The following GTF3C5 variants were observed in gnomAD, a reference collection of about 807,000 sequenced individuals.
GTF3C5 encodes general transcription factor IIIC subunit 5.
GTF3C5 carries 47 observed loss-of-function variants against 61.0 expected under a neutral mutation model. That is an observed-to-expected ratio of 0.77 (90% confidence interval 0.61 to 0.98). GTF3C5 has a LOEUF of 0.98. Ranked by LOEUF, GTF3C5 falls within the 50% of genes least tolerant of loss-of-function variation. The pLI is 0.00. For missense variants in GTF3C5, 659 were observed against 703.3 expected (o/e 0.94, Z 0.71); for synonymous variants, 295 against 275.4 (o/e 1.07, Z -0.71).
At chr9:133,038,514 G>A (rs897977392) in intron 1 of GTF3C5, among the ~76,000 whole-genome samples, 4 of 149,564 alleles carry the variant, frequency 2.7e-5, no homozygotes, top group South Asian at 4.3e-4. Context: ...GCAGTGGCGC[G>A]ATCTCGGCTC....
intron 3 of GTF3C5, among the ~76,000 whole-genome samples, chr9:133,050,557 G>A (rs995479951): frequency 6.6e-6 from 1 of 152,198 alleles, no homozygotes; most frequent in Admixed American, 6.5e-5. Flanking sequence ...GCAGGCCCCA[G>A]GGTTTCTCTG....
chr9:133,058,181 G>T lies in GTF3C5; in HGVS notation c.*201G>T. On this transcript the variant is annotated 3_prime_UTR_variant, in exon 11 of 11. Transcript: ENST00000372097. The stretch of plus-strand genomic sequence containing the variant: ...CTTGGTGCTGCCTCTGGTCCTGAGG[G>T]GTTAGGGACATCCCCAAAGGGTATA... 7.2e-7 allele frequency: 1 copy of T among 1,397,362 alleles called. No homozygotes were observed. The highest frequency in any genetic ancestry group is 1.5e-5 in the African/African-American group (1 of 68,496). The allele number at this position is 1,397,362 out of a possible 1,614,324, so 86.6% of individuals were successfully genotyped here. A position where few individuals can be genotyped will look rare whatever the true frequency, so the allele number is the denominator to read the frequency against.
chr9:133,039,884 A>G (rs12344995), intron 1 of GTF3C5, among the ~76,000 whole-genome samples: 78 of 152,298 alleles, frequency 5.1e-4, no homozygotes, highest in African/African-American at 1.5e-3. Flanking sequence ...AGACATCTAC[A>G]TGGTACAAGG....
At chr9:133,043,531 T>C (rs1850098945) in intron 2 of GTF3C5, among the ~76,000 whole-genome samples, 197 bp from the exon 3 acceptor site, 1 of 152,196 alleles carries the variant, frequency 6.6e-6, no homozygotes, top group South Asian at 2.1e-4. Flanking sequence ...CAAAATAATT[T>C]TCATGTAAGT....
intron 8 of GTF3C5, chr9:133,055,363 C>CA: frequency 7.6e-7 from 1 of 1,323,002 alleles, no homozygotes; most frequent in Non-Finnish European, 9.9e-7. Flanking sequence ...GAGTGGGTGG[C>CA]AGAGATGAGT....
At chr9:133,035,000 G>A (rs955261022) in intron 1 of GTF3C5, among the ~76,000 whole-genome samples, 3 of 152,112 alleles carry the variant, frequency 2.0e-5, no homozygotes, top group Non-Finnish European at 4.4e-5. Context: ...AGACTAATTT[G>A]GTTAAGTGAC....
chr9:133,033,516 G>C (rs1849787528), intron 1 of GTF3C5, among the ~76,000 whole-genome samples: 2 of 152,166 alleles, frequency 1.3e-5, no homozygotes, highest in African/African-American at 4.8e-5. Context: ...AATTTTCCCT[G>C]TCACAAGAGA....
At chr9:133,037,177 G>T (rs113832711) in intron 1 of GTF3C5, among the ~76,000 whole-genome samples, 1 of 152,096 alleles carries the variant, frequency 6.6e-6, no homozygotes, top group Non-Finnish European at 1.5e-5. Flanking sequence ...AAAATGTCTC[G>T]GCTGTCCTCA....
chr9:133,031,200 C>G, intron 1 of GTF3C5, 36 bp downstream of exon 1: 1 of 1,512,640 alleles, frequency 6.6e-7, no homozygotes, highest in Non-Finnish European at 8.9e-7. Context: ...GGAATAAGAG[C>G]TCGGAGTCGC....
In GTF3C5 at chr9:133,031,052, TC is replaced by T; in HGVS notation, c.45del (p.Val16TrpfsTer3). 6.2e-7 allele frequency: 1 copy of T among 1,612,034 alleles called. No individual in the cohort carries two copies. Among genetic ancestry groups the T allele is most frequent in the Non-Finnish European group, 8.5e-7 (1 of 1,179,116 alleles). The part of the protein sequence containing the change: ...EAADLGLGAA[V>X]PVELRRERRM... ...GCCGATTTGGGGCTGGGGGCCGCCG[TC>T]CCCGTGGAGCTGAGGCGGGAGCGAC... On this transcript the variant is annotated frameshift_variant, in exon 1 of 11. Transcript: ENST00000372097. LOFTEE classifies it high-confidence loss of function.
intron 10 of GTF3C5, 130 bp from the exon 11 acceptor site, chr9:133,057,684 C>G: frequency 3.8e-6 from 3 of 791,030 alleles, no homozygotes; most frequent in Non-Finnish European, 5.8e-6. Context: ...CATACTTACC[C>G]ACCAGCTTCT....
chr9:133,033,394 C>T (rs1849783783), intron 1 of GTF3C5, among the ~76,000 whole-genome samples: 1 of 152,134 alleles, frequency 6.6e-6, no homozygotes, highest in African/African-American at 2.4e-5. Context: ...TTACGGTCCA[C>T]CACAATGCCA....
intron 1 of GTF3C5, among the ~76,000 whole-genome samples, chr9:133,031,868 T>TA (rs1849743185): frequency 6.6e-6 from 1 of 152,094 alleles, no homozygotes; most frequent in Non-Finnish European, 1.5e-5. Flanking sequence ...GAAGGATGGT[T>TA]ACAGAGCAGG....
chr9:133,032,799 G>A (rs1399231670), intron 1 of GTF3C5, among the ~76,000 whole-genome samples: 1 of 152,134 alleles, frequency 6.6e-6, no homozygotes, highest in Non-Finnish European at 1.5e-5. Flanking sequence ...TCCACCTGCC[G>A]AACAATCTTC....
intron 1 of GTF3C5, among the ~76,000 whole-genome samples, chr9:133,034,678 A>G (rs1849816743): frequency 6.6e-6 from 1 of 152,114 alleles, no homozygotes; most frequent in Non-Finnish European, 1.5e-5. Context: ...AGCTGGTTCA[A>G]GTTTTCCCTC....
In GTF3C5 at chr9:133,047,811, C is replaced by T. The variant is rs182230002; in HGVS notation, c.573-2972C>T. Among the ~76,000 whole-genome samples the T allele has an allele frequency of 5.6e-3, 853 of 152,318 alleles. 7 individuals are homozygous for T. The highest frequency in any genetic ancestry group is 0.019 in the African/African-American group (794 of 41,570). ...TGCTGGGATTACAGGCGTAAGCCACCGCACCCAGCCTATTTTTTAAAGTTA... is the reference window on the plus strand; with the variant it reads ...TGCTGGGATTACAGGCGTAAGCCACTGCACCCAGCCTATTTTTTAAAGTTA... On this transcript the variant is annotated intron_variant, in intron 3 of 10. Coordinates refer to ENST00000372097, the MANE Select transcript of GTF3C5 (RefSeq NM_012087.4).
Position 133,057,794 on chromosome 9 carries a change from C to T in GTF3C5, c.1394-20C>T, listed in dbSNP as rs1285114681. The T allele has an allele frequency of 6.3e-7, 1 of 1,576,798 alleles. No homozygotes were observed. Among genetic ancestry groups the T allele is most frequent in the Non-Finnish European group, 8.6e-7 (1 of 1,161,808 alleles). On this transcript the variant is annotated intron_variant, in intron 10 of 10. Transcript: ENST00000372097. The stretch of plus-strand genomic sequence containing the variant: ...GCAGCCTGCATGGGACACCCATGGC[C>T]TTGTCTCCTCCGGCCCCAGCTCTCT...
At chr9:133,032,320 C>T (rs1849755497) in intron 1 of GTF3C5, among the ~76,000 whole-genome samples, 1 of 152,162 alleles carries the variant, frequency 6.6e-6, no homozygotes, top group African/African-American at 2.4e-5. Flanking sequence ...AAGCTAATCT[C>T]AATTGGCTAT....
At chr9:133,031,258 A>G in intron 1 of GTF3C5, 94 bp downstream of exon 1, 1 of 1,138,600 alleles carries the variant, frequency 8.8e-7, no homozygotes, top group Non-Finnish European at 1.2e-6. Context: ...AAATTTAGCA[A>G]ATTTACTTAC....
Sources: gnomAD v4.1 joint callset for allele counts (sites outside exome capture counted in the v4.1 genomes callset) on GRCh38, gnomAD v4.1.1 for gene constraint, MANE v1.5 for transcripts, NCBI Gene and HGNC (gene_info 2026-07-23, HGNC 2026-07-21) for gene names.